Variants in PTPRN2 observed in about 807,000 individuals in gnomAD.
PTPRN2 encodes the protein protein tyrosine phosphatase receptor type N2.
A neutral mutation model predicts 118.8 loss-of-function variants in PTPRN2; 74 were observed. The ratio of observed to expected loss-of-function variants is 0.62; its 90% CI spans 0.52 to 0.76. The LOEUF (loss-of-function observed/expected upper bound fraction) is 0.76. PTPRN2 is among the 30% of genes least tolerant of loss of function. The pLI is 0.00. For synonymous variants in PTPRN2, 641 were observed against 608.0 expected, an observed-to-expected ratio of 1.05 and a Z score of -0.80; for missense variants, 1,481 against 1,394.4, an observed-to-expected ratio of 1.06 and a Z score of -0.99.
chr7:158,459,455 C>A (rs1038341589), intron 2 of PTPRN2, among the ~76,000 whole-genome samples: 1 of 152,140 alleles, frequency 6.6e-6, no homozygotes, highest in Admixed American at 6.5e-5. Context: ...GACGAACGGG[C>A]TCCAGGGGCC....
At chr7:157,586,313 ACCT>A (rs1341292325) in intron 17 of PTPRN2, among the ~76,000 whole-genome samples, 1 of 151,918 alleles carries the variant, frequency 6.6e-6, no homozygotes, top group Non-Finnish European at 1.5e-5. Flanking sequence ...CCCCCCGCTA[ACCT>A]CCTGACTCTC....
At chr7:158,126,072 G>A (rs1171616973) in intron 9 of PTPRN2, among the ~76,000 whole-genome samples, 7 of 140,760 alleles carry the variant, frequency 5.0e-5, no homozygotes, top group East Asian at 2.1e-4. Context: ...AGCGGGCGGC[G>A]GAACTTCCTC....
chr7:158,035,244 G>C lies in PTPRN2; in HGVS notation c.1723+46054C>G, dbSNP rs369841968. ...AAGTGTCTCAAGTATAAAACTATAA[G>C]AAGAGAAGAAAGTCTAGAGATGTCC... On this transcript the variant is annotated intron_variant, in intron 11 of 22. Coordinates refer to ENST00000389418, the MANE Select transcript of PTPRN2 (RefSeq NM_002847.5). Among the ~76,000 whole-genome samples the C allele has an allele frequency of 7.9e-5, 12 of 152,218 alleles. No individual in the cohort carries two copies. The East Asian group carries it at 2.3e-3, about 29-fold the overall frequency.
At chr7:158,235,570 T>C (rs540842439) in intron 3 of PTPRN2, among the ~76,000 whole-genome samples, 10 of 152,220 alleles carry the variant, frequency 6.6e-5, no homozygotes, top group Admixed American at 2.6e-4. Flanking sequence ...TCCGTTGAGA[T>C]TGGTGGTTAC....
intron 2 of PTPRN2, among the ~76,000 whole-genome samples, chr7:158,470,128 A>C (rs1819746803): frequency 6.6e-6 from 1 of 152,268 alleles, no homozygotes; most frequent in Non-Finnish European, 1.5e-5. Flanking sequence ...AAAATCGTCA[A>C]GTAGAAATAA....
Position 158,587,548 on chromosome 7 carries a change from C to A in PTPRN2, c.112+10G>T, listed in dbSNP as rs1209530157. 7.8e-7 allele frequency: 1 copy of A among 1,274,720 alleles called. No individual in the cohort carries two copies. The highest frequency in any genetic ancestry group is 9.9e-7 in the Non-Finnish European group (1 of 1,012,764). The allele number at this position is 1,274,720 out of a possible 1,614,324, so 79.0% of individuals were successfully genotyped here. On this transcript the variant is annotated intron_variant, in intron 1 of 22. Coordinates refer to ENST00000389418, the MANE Select transcript of PTPRN2 (RefSeq NM_002847.5). ...ATTGAGGCGCCCCTCCCCCGGCGCC[C>A]CCCACTCACCCAGACGCCCCGGGAG...
chr7:157,756,137 ACAAT>A (rs1475025212), intron 12 of PTPRN2, among the ~76,000 whole-genome samples: 1 of 152,364 alleles, frequency 6.6e-6, no homozygotes. Context: ...AGACTTCTTT[ACAAT>A]CAAAGAATTA....
intron 3 of PTPRN2, among the ~76,000 whole-genome samples, chr7:158,225,941 G>A (rs969107801): frequency 2.0e-5 from 3 of 151,918 alleles, no homozygotes; most frequent in African/African-American, 7.3e-5. Context: ...GTCACAGGAG[G>A]ACGTCAAAGC....
chr7:158,341,834 T>C, intron 2 of PTPRN2, among the ~76,000 whole-genome samples: 2 of 94,928 alleles, frequency 2.1e-5, no homozygotes, highest in African/African-American at 5.0e-5. Context: ...CAGACGTCAC[T>C]CACACCCACA....
chr7:157,691,265 C>A (rs1348649948), intron 12 of PTPRN2, among the ~76,000 whole-genome samples: 1 of 151,096 alleles, frequency 6.6e-6, no homozygotes, highest in Non-Finnish European at 1.5e-5. Flanking sequence ...TTCAGGGTAG[C>A]ACCGAGGGGA....
Position 157,801,181 on chromosome 7 carries a change from C to T in PTPRN2, c.1788+97492G>A, listed in dbSNP as rs1220107197. Among the ~76,000 whole-genome samples the T allele has an allele frequency of 6.6e-6, 1 of 151,884 alleles. No individual in the cohort carries two copies. The highest frequency in any genetic ancestry group is 2.4e-5 in the African/African-American group (1 of 41,320). ...ATGTGGTGTCACAATGCGTCTTGTG[C>T]CTCTCATCTGATTCCGCTACACGGT... On this transcript the variant is annotated intron_variant, in intron 12 of 22. Transcript: ENST00000389418. The surrounding 1 kb of genome is among the most constrained non-coding windows in gnomAD (Gnocchi z 4.2).
chr7:157,812,675 G>A (rs1011871088), intron 12 of PTPRN2, among the ~76,000 whole-genome samples: 4 of 152,072 alleles, frequency 2.6e-5, no homozygotes, highest in African/African-American at 4.8e-5. Flanking sequence ...TTCATCAGCC[G>A]GTGTCACCCT....
chr7:158,173,316 G>T (rs1823885384), intron 5 of PTPRN2, among the ~76,000 whole-genome samples: 1 of 152,176 alleles, frequency 6.6e-6, no homozygotes, highest in Non-Finnish European at 1.5e-5. Context: ...GAAATAAAGA[G>T]AAAGAGTACA....
At chr7:158,396,195 C>A (rs1479909174) in intron 2 of PTPRN2, among the ~76,000 whole-genome samples, 4 of 152,180 alleles carry the variant, frequency 2.6e-5, no homozygotes, top group Non-Finnish European at 5.9e-5. Context: ...CAGCGCCCAG[C>A]CAGGGCTGGT....
Position 157,578,145 on chromosome 7 carries a change from G to A in PTPRN2, c.2497-5C>T, listed in dbSNP as rs2150527865. ...GCAGCCGCTCTCCCACACCATCTGCGGACAAAGAAGGCCCGTGGCCGCGGT... is the reference window on the plus strand; with the variant it reads ...GCAGCCGCTCTCCCACACCATCTGCAGACAAAGAAGGCCCGTGGCCGCGGT... On this transcript the variant is annotated splice_region_variant and splice_polypyrimidine_tract_variant and intron_variant, in intron 17 of 22. Coordinates refer to ENST00000389418, the MANE Select transcript of PTPRN2 (RefSeq NM_002847.5). 1.9e-6 allele frequency: 3 copies of A among 1,603,866 alleles called. No individual in the cohort carries two copies. Among genetic ancestry groups the A allele is most frequent in the Non-Finnish European group, 2.6e-6 (3 of 1,173,634 alleles).
chr7:157,542,990 C>T (rs551188568), intron 22 of PTPRN2, among the ~76,000 whole-genome samples: 2 of 152,240 alleles, frequency 1.3e-5, no homozygotes, highest in South Asian at 4.1e-4. Context: ...TGTGGGTCCT[C>T]GAAGGTCTGT....
At chr7:158,278,385 C>CGCCTGT in intron 3 of PTPRN2, among the ~76,000 whole-genome samples, 1 of 146,318 alleles carries the variant, frequency 6.8e-6, no homozygotes, top group Non-Finnish European at 1.5e-5. Context: ...TGAAGGTGGG[C>CGCCTGT]ACCTGTAATC....
At chr7:158,265,207 G>A (rs191079817) in intron 3 of PTPRN2, among the ~76,000 whole-genome samples, 222 of 152,238 alleles carry the variant, frequency 1.5e-3, no homozygotes, top group African/African-American at 5.0e-3. Flanking sequence ...CACTGACCTG[G>A]CTCCCCACCT....
intron 11 of PTPRN2, among the ~76,000 whole-genome samples, chr7:158,071,700 G>GTGGAGGTGCTTGTGA (rs1811793218): frequency 7.5e-6 from 1 of 133,524 alleles, no homozygotes; most frequent in Non-Finnish European, 1.6e-5. Context: ...GGTGCTTGTG[G>GTGGAGGTGCTTGTGA]TGGAGGTGCT....
Sources: allele counts gnomAD v4.1 joint callset (sites outside exome capture counted in the v4.1 genomes callset), GRCh38; gene constraint gnomAD v4.1.1; non-coding constraint Gnocchi (gnomAD v3.1); transcripts MANE v1.5; gene names NCBI Gene and HGNC (gene_info 2026-07-23, HGNC 2026-07-21).